The following ZYG11B variants were observed in gnomAD, a reference collection of about 807,000 sequenced individuals.
ZYG11B encodes the protein protein zyg-11 homolog B.
A neutral mutation model predicts 82.4 loss-of-function variants in ZYG11B; 36 were observed. That is an observed-to-expected ratio of 0.44 (90% CI 0.33 to 0.58). The LOEUF (loss-of-function observed/expected upper bound fraction) is 0.58, where lower values mean the gene tolerates loss of function less well. ZYG11B is among the 20% of genes least tolerant of loss of function. The pLI, the probability that ZYG11B is intolerant of heterozygous loss-of-function variation, is 0.02. For synonymous variants in ZYG11B, 303 were observed against 312.8 expected, an observed-to-expected ratio of 0.97 and a Z score of 0.33; for missense variants, 552 against 895.6, an observed-to-expected ratio of 0.62 and a Z score of 4.90.
intron 5 of ZYG11B, among the ~76,000 whole-genome samples, chr1:52,787,610 G>GGA (rs1477365894): frequency 1.3e-5 from 2 of 152,172 alleles, no homozygotes; most frequent in Non-Finnish European, 2.9e-5. Context: ...AGCTGCGCTG[G>GGA]CATCCCCTGC....
At chr1:52,744,900 A>T (rs1571745750) in intron 1 of ZYG11B, among the ~76,000 whole-genome samples, 1 of 152,208 alleles carries the variant, frequency 6.6e-6, no homozygotes. Context: ...TAACTGTAAA[A>T]TGAAAATTTT....
chr1:52,731,173 T>C (rs929240732), intron 1 of ZYG11B, among the ~76,000 whole-genome samples: 11 of 151,270 alleles, frequency 7.3e-5, no homozygotes, highest in Non-Finnish European at 1.2e-4. Context: ...CTCGGGAGGC[T>C]GAGGCAGGAG....
At position 52,779,979 on chromosome 1, in the gene ZYG11B, C is replaced by G. The variant is rs61740533; in HGVS notation, c.1078C>G (p.Pro360Ala). The G allele has an allele frequency of 6.5e-5, 105 of 1,612,838 alleles. No individual in the cohort carries two copies. The highest frequency in any genetic ancestry group is 8.5e-5 in the Non-Finnish European group (100 of 1,179,734). ...GACTCATGTGATGGAAAAAACAAAG[C>G]CAGAAATTTTAAAGGTAAGAATAAG... ...SLTHVMEKTK[P>A]EILKLVVTGM... Residue 360 changes from proline (P) to alanine (A), a missense_variant, in exon 4 of 14, where the codon CCA (proline) becomes GCA (alanine). Transcript: ENST00000294353.
At chr1:52,730,817 C>T (rs867976851) in intron 1 of ZYG11B, among the ~76,000 whole-genome samples, 1 of 150,040 alleles carries the variant, frequency 6.7e-6, no homozygotes, top group Middle Eastern at 3.5e-3. Flanking sequence ...TGCACTCCAG[C>T]CTGGGCAACA....
Position 52,823,412 on chromosome 1 carries a change from A to G in ZYG11B, c.*1783A>G, listed in dbSNP as rs982405399. 1 of 152,114 alleles carries G rather than the reference A, an allele frequency of 6.6e-6. No homozygotes were observed. The highest frequency in any genetic ancestry group is 2.4e-5 in the African/African-American group (1 of 41,446). The allele number at this position is 152,114 out of a possible 1,614,324, so 9.4% of individuals were successfully genotyped here. A position where few individuals can be genotyped will look rare whatever the true frequency, so the allele number is the denominator to read the frequency against. ...TTAGAATCACTGAAAACCATATTAA[A>G]TGCTGGGTTAATGCTGACTTAATTG... On this transcript the variant is annotated 3_prime_UTR_variant, in exon 14 of 14. Coordinates refer to ENST00000294353, the MANE Select transcript of ZYG11B (RefSeq NM_024646.3).
chr1:52,804,527 C>T (rs1250216746), intron 10 of ZYG11B, among the ~76,000 whole-genome samples: 4 of 151,946 alleles, frequency 2.6e-5, no homozygotes, highest in East Asian at 1.9e-4. Flanking sequence ...GCATGAGAAT[C>T]GCTTGAACCT....
In ZYG11B at chr1:52,796,765, C is replaced by G; in HGVS notation, c.1466C>G (p.Thr489Ser). The change falls in exon 8 of 14, where the codon ACT (threonine) becomes AGT (serine). Residue 489 changes from threonine to serine, a missense_variant. Transcript: ENST00000294353. ...LSTEQTAQLGTELFIVRQLLQ... is the reference protein window; with the variant it reads ...LSTEQTAQLGSELFIVRQLLQ... Reference sequence around the variant, plus strand: ...ACAGAACAAACTGCACAGCTTGGTACTGAGCTCTTCATTGTCAGGGTAAGT... The same window carrying G: ...ACAGAACAAACTGCACAGCTTGGTAGTGAGCTCTTCATTGTCAGGGTAAGT... 1 of 1,577,144 alleles carries G rather than the reference C, an allele frequency of 6.3e-7. No individual in the cohort carries two copies. Among genetic ancestry groups the G allele is most frequent in the South Asian group, 1.2e-5 (1 of 86,230 alleles).
chr1:52,789,938 A>T, intron 5 of ZYG11B, 65 bp from the exon 6 acceptor site: 1 of 1,093,982 alleles, frequency 9.1e-7, no homozygotes. Flanking sequence ...TATGGAAGCT[A>T]CCATGGTTAA....
Position 52,779,921 on chromosome 1 carries a change from T to C in ZYG11B, c.1020T>C (p.Phe340=). 6.2e-7 allele frequency: 1 copy of C among 1,614,208 alleles called. No individual in the cohort carries two copies. Among genetic ancestry groups the C allele is most frequent in the South Asian group, 1.1e-5 (1 of 91,082 alleles). ...AGCGTTACAGTGAACGGGCATTCTT[T>C]GTTCGGGAAGCTCTATTTCATCTTT... ...ALKRYSERAF[F]VREALFHLFS... The change falls in exon 4 of 14, where the codon TTT becomes TTC. Residue 340 remains phenylalanine (F), a synonymous_variant. Transcript: ENST00000294353.
chr1:52,758,560 A>G (rs1644599788), intron 2 of ZYG11B, among the ~76,000 whole-genome samples: 1 of 152,164 alleles, frequency 6.6e-6, no homozygotes, highest in Non-Finnish European at 1.5e-5. Context: ...CTACACCTAT[A>G]TTAAAGGTAT....
intron 12 of ZYG11B, among the ~76,000 whole-genome samples, chr1:52,814,434 A>G (rs1270159036): frequency 6.6e-6 from 1 of 152,242 alleles, no homozygotes; most frequent in Non-Finnish European, 1.5e-5. Context: ...AATTTGTTCT[A>G]TGCTCTTGAA....
At chr1:52,817,777 G>GTGTGTATATATATATATATATA (rs1352242565) in intron 13 of ZYG11B, among the ~76,000 whole-genome samples, 1 of 41,542 alleles carries the variant, frequency 2.4e-5, no homozygotes, top group Non-Finnish European at 3.9e-5. Context: ...ATATATATGT[G>GTGTGTATATATATATATATATA]TATATATATA....
At chr1:52,729,802 G>A (rs1644315088) in intron 1 of ZYG11B, among the ~76,000 whole-genome samples, 1 of 152,034 alleles carries the variant, frequency 6.6e-6, no homozygotes, top group African/African-American at 2.4e-5. Flanking sequence ...GGCAGGGCCT[G>A]AGAGGTGGCA....
rs187754038 is a variant in ZYG11B, at chr1:52,808,477, G to C, written c.1696-5059G>C. ...TATTTGGGATTTATTGAGCTTCTCA[G>C]ATATATAGGTCTATAGTTTTCATCA... On this transcript the variant is annotated intron_variant, in intron 10 of 13. Coordinates refer to ENST00000294353, the MANE Select transcript of ZYG11B (RefSeq NM_024646.3). Among the ~76,000 whole-genome samples the C allele has an allele frequency of 2.7e-3, 417 of 152,270 alleles. 1 individual carries two copies. Among genetic ancestry groups the C allele is most frequent in the African/African-American group, 9.3e-3 (388 of 41,556 alleles).
chr1:52,797,070 A>G (rs1405654942), intron 8 of ZYG11B, among the ~76,000 whole-genome samples: 6 of 52,478 alleles, frequency 1.1e-4, no homozygotes, highest in Non-Finnish European at 1.8e-4. Flanking sequence ...ATATTTATAT[A>G]TTATATATTG....
rs9662476 is a variant in ZYG11B at position 52,803,295 on chromosome 1, T to C, written c.1695+1156T>C. ...ACACACACACATATATATATATATA[T>C]ATACACATATATATACATATAATCC... is the stretch of plus-strand genomic sequence containing the variant. On this transcript the variant is annotated intron_variant, in intron 10 of 13. Coordinates refer to ENST00000294353, the MANE Select transcript of ZYG11B (RefSeq NM_024646.3). 7.5e-3 allele frequency among the ~76,000 whole-genome samples: 1,014 copies of C among 134,552 alleles called. 40 individuals are homozygous for C. The highest frequency in any genetic ancestry group is 0.027 in the African/African-American group (938 of 34,516). The allele number at this position is 134,552 out of a possible 152,430, so 88.3% of individuals were successfully genotyped here. A position where few individuals can be genotyped will look rare whatever the true frequency, so the allele number is the denominator to read the frequency against.
At chr1:52,793,989 T>C (rs1644985571) in intron 6 of ZYG11B, among the ~76,000 whole-genome samples, 1 of 151,836 alleles carries the variant, frequency 6.6e-6, no homozygotes, top group South Asian at 2.1e-4. Flanking sequence ...TCTTCTTCGT[T>C]TTTTGAGATG....
chr1:52,770,092 ATT>A (rs33953020), intron 2 of ZYG11B, among the ~76,000 whole-genome samples: 4 of 94,450 alleles, frequency 4.2e-5, no homozygotes, highest in African/African-American at 1.8e-4. Flanking sequence ...ATATATATAT[ATT>A]TTTTTTTTTT....
intron 8 of ZYG11B, among the ~76,000 whole-genome samples, chr1:52,798,299 T>C (rs1645045540): frequency 6.6e-6 from 1 of 152,002 alleles, no homozygotes; most frequent in Admixed American, 6.6e-5. Flanking sequence ...ACTTGAACCA[T>C]TGGGGTCTAC....
Sources: allele counts gnomAD v4.1 joint callset (sites outside exome capture counted in the v4.1 genomes callset), GRCh38; gene constraint gnomAD v4.1.1; transcripts MANE v1.5; gene names NCBI Gene and HGNC (gene_info 2026-07-23, HGNC 2026-07-21).